Variants in NFIA observed in about 807,000 individuals in gnomAD.
NFIA encodes nuclear factor I A.
NFIA carries 8 observed loss-of-function variants against 62.8 expected under a neutral mutation model. The observed-to-expected ratio is 0.13, with a 90% CI of 0.07 to 0.23. NFIA has a LOEUF of 0.23. NFIA is among the 10% of genes least tolerant of loss of function. NFIA has a pLI of 1.00. For synonymous variants in NFIA, 235 were observed against 238.1 expected (o/e 0.99, Z 0.12); for missense variants, 410 against 642.1 (o/e 0.64, Z 3.91).
intron 2 of NFIA, among the ~76,000 whole-genome samples, chr1:61,111,478 G>A (rs968099748): frequency 1.3e-5 from 2 of 152,110 alleles, no homozygotes; most frequent in African/African-American, 2.4e-5. Flanking sequence ...AGCTGTAGAC[G>A]TTCAAATGAA....
At chr1:61,304,012 C>T (rs1016006850) in intron 3 of NFIA, among the ~76,000 whole-genome samples, 1 of 152,110 alleles carries the variant, frequency 6.6e-6, no homozygotes, top group Non-Finnish European at 1.5e-5. Flanking sequence ...CGGTGGCTCA[C>T]GCCTGTAAAC....
intron 3 of NFIA, among the ~76,000 whole-genome samples, chr1:61,295,941 T>C (rs962323960): frequency 2.0e-5 from 3 of 152,222 alleles, no homozygotes; most frequent in Non-Finnish European, 4.4e-5. Flanking sequence ...AGGTTGAATA[T>C]GGTAACAAAG....
chr1:61,220,431 G>A (rs148423993), intron 2 of NFIA, among the ~76,000 whole-genome samples: 69 of 152,266 alleles, frequency 4.5e-4, no homozygotes, highest in African/African-American at 1.6e-3. Flanking sequence ...TAGCAATTCA[G>A]GCCTTACTGG....
At chr1:61,124,329 T>C (rs1646934042) in intron 2 of NFIA, among the ~76,000 whole-genome samples, 1 of 152,204 alleles carries the variant, frequency 6.6e-6, no homozygotes, top group African/African-American at 2.4e-5. Context: ...CTGGGTCCTA[T>C]GCTTATGAAA....
chr1:61,202,985 G>A (rs1039101019), intron 2 of NFIA, among the ~76,000 whole-genome samples: 3 of 152,188 alleles, frequency 2.0e-5, no homozygotes, highest in African/African-American at 4.8e-5. Context: ...CTGGTCATCC[G>A]TCCAATTGTT....
chr1:61,318,560 A>T (rs762198538), intron 3 of NFIA, among the ~76,000 whole-genome samples: 2 of 152,206 alleles, frequency 1.3e-5, no homozygotes, highest in Non-Finnish European at 2.9e-5. Context: ...AGCTTGGCAG[A>T]CGCTCCCATG....
chr1:61,346,317 G>T (rs1662225652), intron 4 of NFIA, among the ~76,000 whole-genome samples: 1 of 152,192 alleles, frequency 6.6e-6, no homozygotes, highest in African/African-American at 2.4e-5. Context: ...CCAGAAGGCA[G>T]TTAGTCTTTA....
At chr1:61,192,983 A>G (rs945783619) in intron 2 of NFIA, among the ~76,000 whole-genome samples, 6 of 152,168 alleles carry the variant, frequency 3.9e-5, no homozygotes, top group Non-Finnish European at 5.9e-5. Context: ...TAAAATTTAA[A>G]CATTTTTGTT....
chr1:61,435,595 A>G (rs995685424), intron 10 of NFIA, among the ~76,000 whole-genome samples: 3 of 152,156 alleles, frequency 2.0e-5, no homozygotes, highest in Admixed American at 6.5e-5. Context: ...AGGCCCTGCT[A>G]TTCCTCCTGT....
At chr1:61,283,552 A>G (rs1258019373) in intron 3 of NFIA, among the ~76,000 whole-genome samples, 3 of 139,474 alleles carry the variant, frequency 2.2e-5, no homozygotes, top group Non-Finnish European at 1.5e-5. Flanking sequence ...ACTGCACTCC[A>G]TCCTGGGTGA....
At chr1:61,160,733 A>G (rs911092543) in intron 2 of NFIA, among the ~76,000 whole-genome samples, 1 of 152,182 alleles carries the variant, frequency 6.6e-6, no homozygotes, top group East Asian at 1.9e-4. Flanking sequence ...ATGACTGTAC[A>G]CACTGAGAAA....
intron 10 of NFIA, among the ~76,000 whole-genome samples, chr1:61,448,022 A>G (rs1378295664): frequency 1.3e-5 from 2 of 151,792 alleles, no homozygotes; most frequent in African/African-American, 4.8e-5. Flanking sequence ...TTTTCCTCAC[A>G]TTTTCCTGTG....
intron 2 of NFIA, among the ~76,000 whole-genome samples, chr1:61,090,730 A>G (rs1402756552): frequency 6.6e-6 from 1 of 152,196 alleles, no homozygotes; most frequent in Non-Finnish European, 1.5e-5. Context: ...TTCCTGATGT[A>G]TCCCAGAATC....
chr1:61,163,444 T>G (rs554707789), intron 2 of NFIA, among the ~76,000 whole-genome samples: 1 of 152,312 alleles, frequency 6.6e-6, no homozygotes, highest in African/African-American at 2.4e-5. Flanking sequence ...TGGTTTTTTT[T>G]GTAAAGGATT....
intron 9 of NFIA, among the ~76,000 whole-genome samples, chr1:61,407,264 G>A (rs141646888): frequency 1.3e-5 from 2 of 152,170 alleles, no homozygotes; most frequent in African/African-American, 2.4e-5. Flanking sequence ...CCTGGCAGTC[G>A]CATGGTGAGG....
chr1:61,457,409 A>G lies in NFIA; in HGVS notation c.*2089A>G, dbSNP rs181162387. 2.6e-5 allele frequency: 4 copies of G among 152,322 alleles called. No individual in the cohort carries two copies. Among genetic ancestry groups the G allele is most frequent in the Admixed American group, 2.0e-4 (3 of 15,308 alleles). The allele number at this position is 152,322 out of a possible 1,614,324, so 9.4% of individuals were successfully genotyped here. ...CGTCAGTTTCAACATCTAGAACTAA[A>G]TAGAAAGCTAGTTGTTCCGCAGATA... On this transcript the variant is annotated 3_prime_UTR_variant, in exon 11 of 11. Transcript: ENST00000403491. This position sits in a 1 kb window ranked among gnomAD's most constrained non-coding sequence, Gnocchi z 4.2.
chr1:61,108,399 T>G (rs1329878399), intron 2 of NFIA, among the ~76,000 whole-genome samples: 1 of 151,718 alleles, frequency 6.6e-6, no homozygotes, highest in African/African-American at 2.4e-5. Context: ...AACTCTAATT[T>G]CTAGTATAGA....
Position 61,349,631 on chromosome 1 carries a change from G to A in NFIA, c.701-2819G>A, listed in dbSNP as rs141448304. ...CTCCATTGCCCAGGCTGGAGTTGTA[G>A]TGACATGATCATAGTTAACTGCAGC... On this transcript the variant is annotated intron_variant, in intron 4 of 10. Transcript: ENST00000403491. Among the ~76,000 whole-genome samples, 742 of 152,214 alleles carry A rather than the reference G, an allele frequency of 4.9e-3. 6 individuals carry two copies. Among genetic ancestry groups the A allele is most frequent in the Non-Finnish European group, 6.0e-3 (406 of 68,006 alleles).
At chr1:61,158,723 A>C (rs897147556) in intron 2 of NFIA, among the ~76,000 whole-genome samples, 1 of 152,190 alleles carries the variant, frequency 6.6e-6, no homozygotes, top group African/African-American at 2.4e-5. Flanking sequence ...ATGTCGCGAG[A>C]GGGGTTGATT....
Sources: gnomAD v4.1 joint callset for allele counts (sites outside exome capture counted in the v4.1 genomes callset) on GRCh38, gnomAD v4.1.1 for gene constraint, Gnocchi (gnomAD v3.1) non-coding constraint, MANE v1.5 for transcripts, NCBI Gene and HGNC (gene_info 2026-07-23, HGNC 2026-07-21) for gene names.